Variants in NUP155 observed in about 807,000 individuals in gnomAD.
NUP155 encodes nucleoporin 155.
A neutral mutation model predicts 180.4 loss-of-function variants in NUP155; 71 were observed. The ratio of observed to expected loss-of-function variants is 0.39; its 90% CI spans 0.33 to 0.48. The LOEUF is 0.48. Among genes scored for constraint, NUP155 ranks in the 20% least tolerant of loss-of-function variants. The pLI, the probability that NUP155 is intolerant of heterozygous loss-of-function variation, is 0.91. For missense variants in NUP155, 1,553 were observed against 1,648.9 expected, an observed-to-expected ratio of 0.94 and a Z score of 1.01; for synonymous variants, 582 against 559.5, an observed-to-expected ratio of 1.04 and a Z score of -0.57.
Position 37,299,485 on chromosome 5 carries a change from T to C in NUP155, c.3645A>G (p.Ile1215Met). ...TATCTTGCCAAAGTGTCTGCACCAATATAGGGTCTGAATAACCGGCACAAT... is the reference window on the plus strand; with the variant it reads ...TATCTTGCCAAAGTGTCTGCACCAACATAGGGTCTGAATAACCGGCACAAT... The part of the protein sequence containing the change: ...IIHCAGYSDP[I>M]LVQTLWQDII... Residue 1215 changes from isoleucine to methionine, a missense_variant, in exon 31 of 35, where the codon ATA (isoleucine) becomes ATG (methionine). Transcript: ENST00000231498. 6.2e-7 allele frequency: 1 copy of C among 1,614,052 alleles called. No individual in the cohort carries two copies. The highest frequency in any genetic ancestry group is 8.5e-7 in the Non-Finnish European group (1 of 1,179,966).
chr5:37,295,922 A>G (rs1742526621), intron 32 of NUP155, among the ~76,000 whole-genome samples: 2 of 139,820 alleles, frequency 1.4e-5, no homozygotes, highest in African/African-American at 5.7e-5. Flanking sequence ...CCGGGAGGTG[A>G]GGGGCGCCTC....
intron 9 of NUP155, 112 bp downstream of exon 9, chr5:37,348,393 T>C (rs1746241694): frequency 1.3e-6 from 1 of 771,072 alleles, no homozygotes; most frequent in Non-Finnish European, 2.4e-6. Context: ...TCAACATTCC[T>C]TGTCTTTTAG....
intron 21 of NUP155, among the ~76,000 whole-genome samples, 165 bp from the exon 22 acceptor site, chr5:37,314,493 G>A (rs1415764161): frequency 6.6e-6 from 1 of 152,202 alleles, no homozygotes; most frequent in Non-Finnish European, 1.5e-5. Context: ...TTCTCCGTGT[G>A]TGTATATATA....
At chr5:37,324,599 T>C (rs1379246376) in intron 19 of NUP155, among the ~76,000 whole-genome samples, 1 of 152,078 alleles carries the variant, frequency 6.6e-6, no homozygotes, top group African/African-American at 2.4e-5. Flanking sequence ...TGTTGTTGCC[T>C]GGGAGTGTAG....
intron 1 of NUP155, among the ~76,000 whole-genome samples, chr5:37,367,556 G>A (rs553068530): frequency 3.4e-5 from 5 of 147,318 alleles, no homozygotes; most frequent in South Asian, 4.3e-4. Flanking sequence ...TTTTTGAGAC[G>A]GAGTCTCACT....
At chr5:37,360,276 G>A (rs771135857) in intron 3 of NUP155, among the ~76,000 whole-genome samples, 2 of 152,058 alleles carry the variant, frequency 1.3e-5, no homozygotes, top group African/African-American at 2.4e-5. Flanking sequence ...GAGGTCAGGA[G>A]ATCGAGACCG....
At chr5:37,359,207 T>C (rs1414097344) in intron 3 of NUP155, among the ~76,000 whole-genome samples, 2 of 150,200 alleles carry the variant, frequency 1.3e-5, no homozygotes, top group Non-Finnish European at 3.0e-5. Context: ...TCATTATATA[T>C]ATAATGAAAA....
At position 37,327,735 on chromosome 5, in the gene NUP155, C is replaced by T; in HGVS notation, c.1918G>A (p.Gly640Arg). The T allele has an allele frequency of 1.2e-6, 2 of 1,614,072 alleles. No individual in the cohort carries two copies. Among genetic ancestry groups the T allele is most frequent in the East Asian group, 4.5e-5 (2 of 44,870 alleles). ...TTTGTGGCCTGAGTTGCTGGGTTTC[C>T]CAGAGCACACACTGGAGTTGACATG... ...PAMSTPVCAL[G>R]NPATQATNMS... The change falls in exon 18 of 35, where the codon GGA becomes AGA. Residue 640 changes from glycine to arginine, a missense_variant. Physicochemically the swap from Gly to Arg is moderately radical, Grantham distance 125 (BLOSUM62 -2). Transcript: ENST00000231498.
chr5:37,364,128 A>C, intron 2 of NUP155, 119 bp downstream of exon 2: 1 of 1,131,970 alleles, frequency 8.8e-7, no homozygotes, highest in Non-Finnish European at 1.3e-6. Context: ...ACTTAAACGA[A>C]TTTTAAATAA....
rs1742120517 is a variant in NUP155 at position 37,288,770 on chromosome 5, T to TGGGGGGGGG, written c.*3129_*3130insCCCCCCCCC. On this transcript the variant is annotated 3_prime_UTR_variant, in exon 35 of 35. Coordinates refer to ENST00000231498, the MANE Select transcript of NUP155 (RefSeq NM_153485.3). ...ATTAAAAAAAAAAAAAAAAAAAAAGTAGGGGGGGTGGGGCTAGGCGCAGTG... is the reference window on the plus strand; with the variant it reads ...ATTAAAAAAAAAAAAAAAAAAAAAGTGGGGGGGGGAGGGGGGGTGGGGCTAGGCGCAGTG... 2 of 22,634 alleles carry TGGGGGGGGG rather than the reference T, an allele frequency of 8.8e-5. No individual in the cohort carries two copies. Among genetic ancestry groups the TGGGGGGGGG allele is most frequent in the Non-Finnish European group, 9.2e-5 (1 of 10,862 alleles). The allele number at this position is 22,634 out of a possible 1,614,324, so 1.4% of individuals were successfully genotyped here.
At chr5:37,359,259 G>T (rs1747047608) in intron 3 of NUP155, among the ~76,000 whole-genome samples, 1 of 151,328 alleles carries the variant, frequency 6.6e-6, no homozygotes. Flanking sequence ...CAAGACCCAG[G>T]GATCCAGACC....
chr5:37,311,833 A>G (rs2150950062), intron 22 of NUP155, among the ~76,000 whole-genome samples: 1 of 152,256 alleles, frequency 6.6e-6, no homozygotes, highest in Non-Finnish European at 1.5e-5. Flanking sequence ...CAGCCTGGCC[A>G]ACATGGCGAA....
At chr5:37,357,989 T>A (rs996028846) in intron 4 of NUP155, 92 bp downstream of exon 4, 8 of 901,814 alleles carry the variant, frequency 8.9e-6, no homozygotes, top group Non-Finnish European at 1.5e-5. Context: ...CGAGACTCCA[T>A]CTCGAAAAAA....
intron 22 of NUP155, among the ~76,000 whole-genome samples, chr5:37,313,471 A>ATG (rs1349194670): frequency 4.2e-5 from 4 of 94,486 alleles, no homozygotes; most frequent in South Asian, 3.5e-4. Context: ...GGAGTGGTGT[A>ATG]TATGTGTGTG....
intron 21 of NUP155, among the ~76,000 whole-genome samples, chr5:37,315,921 CAA>C (rs1447145947): frequency 2.0e-5 from 3 of 152,098 alleles, no homozygotes; most frequent in Non-Finnish European, 2.9e-5. Context: ...GCCTGGGAGA[CAA>C]GAGTGAAACT....
chr5:37,355,254 T>C (rs958545406), intron 4 of NUP155, among the ~76,000 whole-genome samples: 2 of 152,154 alleles, frequency 1.3e-5, no homozygotes, highest in African/African-American at 4.8e-5. Context: ...ACATCTGTAA[T>C]ACCAGGACTT....
intron 24 of NUP155, among the ~76,000 whole-genome samples, chr5:37,307,689 G>C (rs1179463537): frequency 1.3e-5 from 2 of 152,112 alleles, no homozygotes; most frequent in African/African-American, 4.8e-5. Flanking sequence ...TTGGGAGGCT[G>C]AGAGGGGGCA....
rs140076285 is a variant in NUP155 at position 37,291,979 on chromosome 5, G to C, written c.4097C>G (p.Ser1366Cys). ...TTGTACTGCTACTGACGAGCTCATA[G>C]ACTGGAGCTCAACAAGGTAACCACA... is the stretch of plus-strand genomic sequence containing the variant. ...AVCGYLVELQSMSSSVAVQAI... is the reference protein window; with the variant it reads ...AVCGYLVELQCMSSSVAVQAI... The change falls in exon 35 of 35, where the codon TCT becomes TGT. Residue 1366 changes from serine to cysteine, a missense_variant. Physicochemically the swap from Ser to Cys is moderately radical, Grantham distance 112. Transcript: ENST00000231498. The C allele has an allele frequency of 8.1e-5, 130 of 1,613,296 alleles. No individual in the cohort carries two copies. In the African/African-American group the frequency reaches 1.5e-3, roughly 18 times the overall value.
rs563719712 is a variant in NUP155 at position 37,341,016 on chromosome 5, A to G, written c.1246+74T>C. Reference sequence around the variant, plus strand: ...TACTGTTGCCATAGGGTATTTTCAAATACTTCACAACACCATATAATTTTA... The same window carrying G: ...TACTGTTGCCATAGGGTATTTTCAAGTACTTCACAACACCATATAATTTTA... On this transcript the variant is annotated intron_variant, in intron 11 of 34. Coordinates refer to ENST00000231498, the MANE Select transcript of NUP155 (RefSeq NM_153485.3). 5.3e-4 allele frequency: 674 copies of G among 1,265,484 alleles called. 1 individual carries two copies. Among genetic ancestry groups the G allele is most frequent in the Non-Finnish European group, 7.0e-4 (617 of 885,536 alleles). 78.4% of individuals were successfully genotyped at this position (1,265,484 alleles called of 1,614,324 possible).
Sources: allele counts gnomAD v4.1 joint callset (sites outside exome capture counted in the v4.1 genomes callset), GRCh38; gene constraint gnomAD v4.1.1; transcripts MANE v1.5; gene names NCBI Gene and HGNC (gene_info 2026-07-23, HGNC 2026-07-21).